The following UBXN8 variants were observed in gnomAD, a reference collection of about 807,000 sequenced individuals.
UBXN8 encodes the protein UBX domain protein 8.
A neutral mutation model predicts 32.1 loss-of-function variants in UBXN8; 27 were observed. That is an observed-to-expected ratio of 0.84 (90% CI 0.62 to 1.16). The LOEUF is 1.16. Ranked by LOEUF, UBXN8 falls within the 50% of genes most tolerant of loss-of-function variation. The pLI, the probability that UBXN8 is intolerant of heterozygous loss-of-function variation, is 0.00. For synonymous variants in UBXN8, 109 were observed against 111.8 expected (o/e 0.98, Z 0.16); for missense variants, 306 against 311.4 (o/e 0.98, Z 0.13).
At chr8:30,760,522 C>T (rs1303930023) in intron 5 of UBXN8, among the ~76,000 whole-genome samples, 1 of 144,410 alleles carries the variant, frequency 6.9e-6, no homozygotes, top group Non-Finnish European at 1.5e-5. Context: ...AAGTGATCTT[C>T]CTGCCTCAGC....
At chr8:30,759,087 G>A (rs1230212894) in intron 5 of UBXN8, among the ~76,000 whole-genome samples, 1 of 151,238 alleles carries the variant, frequency 6.6e-6, no homozygotes, top group Non-Finnish European at 1.5e-5. Flanking sequence ...TAGAGACAGG[G>A]TTCCATCGTG....
At position 30,747,562 on chromosome 8, in the gene UBXN8, C is replaced by A. The variant is rs1204167244; in HGVS notation, c.88+3285C>A. Among the ~76,000 whole-genome samples, 2 of 141,180 alleles carry A rather than the reference C, an allele frequency of 1.4e-5. 1 individual carries two copies. The highest frequency in any genetic ancestry group is 1.4e-4 in the Admixed American group (2 of 14,032). The allele number at this position is 141,180 out of a possible 152,430, so 92.6% of individuals were successfully genotyped here. On this transcript the variant is annotated intron_variant, in intron 1 of 7. Coordinates refer to ENST00000265616, the MANE Select transcript of UBXN8 (RefSeq NM_005671.4). Reference sequence around the variant, plus strand: ...CTGAGTTCAAGTGATCCACTCACCTCAGCTTCTCAAAGTGCTGGGATTATA... The same window carrying A: ...CTGAGTTCAAGTGATCCACTCACCTAAGCTTCTCAAAGTGCTGGGATTATA...
Position 30,760,891 on chromosome 8 carries a change from C to T in UBXN8, c.532C>T (p.Pro178Ser), listed in dbSNP as rs1268545840. Residue 178 changes from proline (P) to serine (S), a missense_variant, in exon 6 of 8, where the codon CCT becomes TCT. Transcript: ENST00000265616. The part of the protein sequence containing the change: ...PAEQPTCKEI[P>S]DLPEEPSQTA... ...TCTTACCAATACTTTTCTTTAGATT[C>T]CTGATTTACCTGAAGAACCTTCTCA... 1.3e-6 allele frequency: 2 copies of T among 1,532,870 alleles called. No homozygotes were observed. Among genetic ancestry groups the T allele is most frequent in the South Asian group, 1.2e-5 (1 of 80,042 alleles). The allele number at this position is 1,532,870 out of a possible 1,614,324, so 95.0% of individuals were successfully genotyped here.
chr8:30,757,923 G>A (rs1047447711), intron 5 of UBXN8, among the ~76,000 whole-genome samples: 5 of 150,760 alleles, frequency 3.3e-5, no homozygotes, highest in Admixed American at 6.6e-5. Context: ...GTCTCACTCT[G>A]TCGCCCAGAC....
chr8:30,739,243 C>T (rs936911185), upstream of UBXN8, among the ~76,000 whole-genome samples: 6 of 150,702 alleles, frequency 4.0e-5, no homozygotes, highest in Admixed American at 2.0e-4. Flanking sequence ...GATAATATTG[C>T]ATAGAACTAA....
rs192755949 is a variant in UBXN8, at chr8:30,736,526, T to G, written c.622+3218T>G. Among the ~76,000 whole-genome samples the G allele has an allele frequency of 2.0e-5, 3 of 152,282 alleles. No homozygotes were observed. The East Asian group carries it at 5.8e-4, about 29-fold the overall frequency. On this transcript the variant is annotated intron_variant, in intron 1 of 1. Coordinates refer to the UBXN8 transcript ENST00000522968. ...TTCGCTCTTATCTCCCAGGCTGGAG[T>G]GCAATGGCACAATCTCGGCTCACTT...
intron 1 of UBXN8, among the ~76,000 whole-genome samples, chr8:30,745,306 G>A (rs11985731): frequency 0.034 from 5,214 of 152,212 alleles, 272 homozygotes; most frequent in African/African-American, 0.12. Context: ...AAGGACGACT[G>A]CCTCATGGGG....
Position 30,754,772 on chromosome 8 carries a change from TG to T in UBXN8, c.392del (p.Gly131ValfsTer32). The T allele has an allele frequency of 6.4e-7, 1 of 1,558,114 alleles. No homozygotes were observed. Among genetic ancestry groups the T allele is most frequent in the Non-Finnish European group, 8.6e-7 (1 of 1,162,934 alleles). Reference protein sequence around the residue: ...MTGEAWKLSSGHKLGGDEGTS... With the variant: ...MTGEAWKLSSXHKLGGDEGTS... ...CGGGTGAAGCCTGGAAATTAAGCAGTGGTCACAAACTTGGGGTTGGAAAATA... is the reference window on the plus strand; with the variant it reads ...CGGGTGAAGCCTGGAAATTAAGCAGTGTCACAAACTTGGGGTTGGAAAATA... On this transcript the variant is annotated frameshift_variant, in exon 4 of 8. Transcript: ENST00000265616. LOFTEE classifies it high-confidence loss of function.
At chr8:30,739,941 G>A (rs986517057), upstream of UBXN8, among the ~76,000 whole-genome samples, 6 of 152,062 alleles carry the variant, frequency 3.9e-5, no homozygotes, top group South Asian at 1.0e-3. Context: ...TCTCTCTGTC[G>A]CCCAGGCTGG....
intron 1 of UBXN8, among the ~76,000 whole-genome samples, chr8:30,738,849 G>C (rs975183408): frequency 1.3e-5 from 2 of 149,922 alleles, no homozygotes; most frequent in Admixed American, 6.7e-5. Context: ...CCAGCTACAC[G>C]GGAGGCTGAG....
chr8:30,764,921 G>T (rs553366529), intron 7 of UBXN8, among the ~76,000 whole-genome samples: 5 of 151,990 alleles, frequency 3.3e-5, no homozygotes, highest in Non-Finnish European at 5.9e-5. Flanking sequence ...GTGGTGGTGC[G>T]TGCCTGTAGT....
At chr8:30,763,972 C>A (rs904713150) in intron 7 of UBXN8, among the ~76,000 whole-genome samples, 6 of 152,052 alleles carry the variant, frequency 3.9e-5, no homozygotes, top group Non-Finnish European at 7.3e-5. Flanking sequence ...GCCTGGGTGA[C>A]AGAGCAAGAT....
intron 4 of UBXN8, 135 bp from the exon 5 acceptor site, chr8:30,756,630 G>A (rs781778657): frequency 1.6e-4 from 202 of 1,297,760 alleles, no homozygotes; most frequent in Non-Finnish European, 2.0e-4. Flanking sequence ...AATTTTTTGG[G>A]TCTCATAATG....
At chr8:30,734,269 A>G (rs1005226959) in intron 1 of UBXN8, 1 of 152,198 alleles carries the variant, frequency 6.6e-6, no homozygotes, top group Admixed American at 6.5e-5. Context: ...GAAAAAGGGA[A>G]AGTTCTTCCT....
chr8:30,744,918 G>A (rs1805325018), intron 1 of UBXN8, among the ~76,000 whole-genome samples: 2 of 152,154 alleles, frequency 1.3e-5, no homozygotes, highest in Non-Finnish European at 2.9e-5. Context: ...GGATAATGAC[G>A]TTTATTGAAC....
intron 6 of UBXN8, 139 bp from the exon 7 acceptor site, chr8:30,763,134 C>G (rs1305565049): frequency 1.2e-6 from 1 of 820,372 alleles, no homozygotes; most frequent in Non-Finnish European, 1.9e-6. Context: ...GCGTGAGCCA[C>G]CACCATGCCC....
Position 30,766,252 on chromosome 8 carries a change from T to A in UBXN8, c.671T>A (p.Ile224Asn). ...GTCTTATTTGACTGGATGACGAGAA[T>A]TGGGTACCACATATCTCTATACAGC... ...SQVLFDWMTR[I>N]GYHISLYSLS... Residue 224 changes from isoleucine (I) to asparagine (N), a missense_variant, in exon 8 of 8, where the codon ATT becomes AAT. Coordinates refer to ENST00000265616, the MANE Select transcript of UBXN8 (RefSeq NM_005671.4). 6.2e-7 allele frequency: 1 copy of A among 1,612,870 alleles called. No homozygotes were observed. Among genetic ancestry groups the A allele is most frequent in the South Asian group, 1.1e-5 (1 of 90,928 alleles).
rs1805576306 is a variant in UBXN8 at position 30,753,800 on chromosome 8, C to A, written c.282+695C>A. ...TTTTTTTTTTTTTTTTGAGACTGGG[C>A]CTCTCTCTGTTGCCCAGGCTGGGGT... On this transcript the variant is annotated intron_variant, in intron 3 of 7. Coordinates refer to ENST00000265616, the MANE Select transcript of UBXN8 (RefSeq NM_005671.4). Among the ~76,000 whole-genome samples, 4 of 116,214 alleles carry A rather than the reference C, an allele frequency of 3.4e-5. No individual in the cohort carries two copies. The Admixed American group carries it at 4.3e-4, about 13-fold the overall frequency. 76.2% of individuals were successfully genotyped at this position (116,214 alleles called of 152,430 possible). A position where few individuals can be genotyped will look rare whatever the true frequency, so the allele number is the denominator to read the frequency against.
At chr8:30,756,447 T>C (rs1805663017) in intron 4 of UBXN8, among the ~76,000 whole-genome samples, 1 of 151,766 alleles carries the variant, frequency 6.6e-6, no homozygotes, top group Admixed American at 6.6e-5. Context: ...ACCCGGCCAA[T>C]TTTTGCATTT....
Sources: allele counts gnomAD v4.1 joint callset (sites outside exome capture counted in the v4.1 genomes callset), GRCh38; gene constraint gnomAD v4.1.1; transcripts MANE v1.5; gene names NCBI Gene and HGNC (gene_info 2026-07-23, HGNC 2026-07-21).